Variants in SGCD observed in about 807,000 individuals in gnomAD.
SGCD encodes delta-sarcoglycan.
In SGCD, 18 loss-of-function variants were observed where a neutral mutation model predicts 36.6. The ratio of observed to expected loss-of-function variants is 0.49; its 90% CI spans 0.34 to 0.73. The LOEUF is 0.73. Among genes scored for constraint, SGCD ranks in the 30% least tolerant of loss-of-function variants. The probability of loss-of-function intolerance (pLI) is 0.01; values close to 1 mark genes in which losing one functional copy is unlikely to be tolerated. For synonymous variants in SGCD, 133 were observed against 130.6 expected (o/e 1.02, Z -0.12); for missense variants, 387 against 346.7 (o/e 1.12, Z -0.92).
intron 4 of SGCD, among the ~76,000 whole-genome samples, chr5:156,558,703 G>C (rs574517123): frequency 6.6e-6 from 1 of 152,214 alleles, no homozygotes; most frequent in South Asian, 2.1e-4. Flanking sequence ...GAGAATTACT[G>C]ACCTTTAATT....
intron 3 of SGCD, chr5:156,458,509 T>C: frequency 6.4e-7 from 1 of 1,567,196 alleles, no homozygotes; most frequent in Admixed American, 1.7e-5. Context: ...TTCGTTAACC[T>C]ACAACAAACC....
At chr5:156,005,962 C>G (rs1321306008) in intron 1 of SGCD, among the ~76,000 whole-genome samples, 4 of 152,124 alleles carry the variant, frequency 2.6e-5, no homozygotes, top group African/African-American at 9.7e-5. Context: ...ATTTCAGTTT[C>G]CCCCTTTTTT....
chr5:156,470,450 G>C (rs995094028), intron 3 of SGCD, among the ~76,000 whole-genome samples: 1 of 151,838 alleles, frequency 6.6e-6, no homozygotes, highest in Admixed American at 6.6e-5. Flanking sequence ...CCACTAACTC[G>C]TCATTTAGCA....
chr5:156,467,868 T>G (rs1389668404), intron 3 of SGCD, among the ~76,000 whole-genome samples: 1 of 152,210 alleles, frequency 6.6e-6, no homozygotes, highest in East Asian at 1.9e-4. Flanking sequence ...ACATCAACTT[T>G]GGACTAAGGA....
chr5:156,308,362 A>G (rs565118834), intron 3 of SGCD, among the ~76,000 whole-genome samples: 6 of 151,564 alleles, frequency 4.0e-5, no homozygotes, highest in Non-Finnish European at 8.8e-5. Context: ...GCAGTGGCGC[A>G]ATCTCGGCTC....
the SGCD span, among the ~76,000 whole-genome samples, chr5:155,816,761 A>T: frequency 6.6e-6 from 1 of 152,200 alleles, no homozygotes; most frequent in African/African-American, 2.4e-5. Context: ...TTTCATTGGA[A>T]TGAGTAAGTC....
At chr5:156,309,733 GCCTC>G (rs1167084631) in intron 3 of SGCD, among the ~76,000 whole-genome samples, 3 of 151,240 alleles carry the variant, frequency 2.0e-5, no homozygotes, top group Non-Finnish European at 4.4e-5. Context: ...TGATCCACCT[GCCTC>G]GGCCTCCCAA....
chr5:156,692,540 T>C (rs1255344126), intron 7 of SGCD, among the ~76,000 whole-genome samples: 1 of 152,228 alleles, frequency 6.6e-6, no homozygotes, highest in East Asian at 1.9e-4. Context: ...TGAACCTCTA[T>C]GTACCTATCA....
At chr5:156,489,081 A>T (rs1167761761) in intron 3 of SGCD, among the ~76,000 whole-genome samples, 4 of 152,084 alleles carry the variant, frequency 2.6e-5, no homozygotes, top group African/African-American at 7.2e-5. Context: ...AGCTTTTCTT[A>T]TATCAGATAA....
At chr5:155,868,792 A>G (rs939247095), upstream of SGCD, among the ~76,000 whole-genome samples, 1 of 152,184 alleles carries the variant, frequency 6.6e-6, no homozygotes, top group Non-Finnish European at 1.5e-5. Flanking sequence ...ATGAATTTTC[A>G]TGTTGGTTTG....
chr5:156,476,658 T>G (rs1188938878), intron 3 of SGCD, among the ~76,000 whole-genome samples: 1 of 152,186 alleles, frequency 6.6e-6, no homozygotes. Context: ...TAGCTAAATG[T>G]TGCACACAAG....
intron 2 of SGCD, among the ~76,000 whole-genome samples, chr5:156,340,236 T>C (rs1306723217): frequency 1.3e-5 from 2 of 152,250 alleles, no homozygotes; most frequent in African/African-American, 2.4e-5. Context: ...TCAATGACAG[T>C]TGAATTCTAC....
chr5:156,331,822 C>T (rs971158648), intron 2 of SGCD, among the ~76,000 whole-genome samples: 2 of 152,220 alleles, frequency 1.3e-5, no homozygotes, highest in African/African-American at 4.8e-5. Flanking sequence ...GATATTGGCA[C>T]TGTGTATTCA....
chr5:155,810,402 C>T, the SGCD span, among the ~76,000 whole-genome samples: 1 of 151,900 alleles, frequency 6.6e-6, no homozygotes, highest in South Asian at 2.1e-4. Flanking sequence ...GATATTTTGC[C>T]CTAGAAGGCT....
upstream of SGCD, among the ~76,000 whole-genome samples, chr5:156,325,849 C>T (rs1039709977): frequency 4.6e-5 from 7 of 152,102 alleles, no homozygotes; most frequent in South Asian, 2.1e-4. Flanking sequence ...CTCCCCACAC[C>T]GCCTCCCACC....
intron 2 of SGCD, among the ~76,000 whole-genome samples, chr5:156,333,783 A>ACTTTTTTTTT (rs1768186008): frequency 5.0e-5 from 1 of 19,932 alleles, no homozygotes; most frequent in African/African-American, 1.9e-4. Flanking sequence ...TAGAAAAGTG[A>ACTTTTTTTTT]TTTTTTTTTT....
At chr5:156,406,036 G>GAAAAAAA (rs79259925) in intron 3 of SGCD, among the ~76,000 whole-genome samples, 1 of 136,608 alleles carries the variant, frequency 7.3e-6, no homozygotes, top group Non-Finnish European at 1.5e-5. Flanking sequence ...AAAAAAAAAG[G>GAAAAAAA]CCTCTGGGCA....
At chr5:156,480,608 A>G (rs1360830696) in intron 3 of SGCD, among the ~76,000 whole-genome samples, 1 of 152,212 alleles carries the variant, frequency 6.6e-6, no homozygotes, top group Non-Finnish European at 1.5e-5. Context: ...GCTACCCCAG[A>G]TGGCACATGG....
intron 3 of SGCD, among the ~76,000 whole-genome samples, chr5:156,432,590 G>A (rs1200857469): frequency 5.3e-5 from 8 of 152,154 alleles, no homozygotes; most frequent in Non-Finnish European, 1.0e-4. Context: ...GTGGGGTCAG[G>A]GTTAGGCGGG....
Sources: gnomAD v4.1 joint callset for allele counts (sites outside exome capture counted in the v4.1 genomes callset) on GRCh38, gnomAD v4.1.1 for gene constraint, MANE v1.5 for transcripts, NCBI Gene and HGNC (gene_info 2026-07-23, HGNC 2026-07-21) for gene names.